The following UGT2A2 variants were observed in gnomAD, a reference collection of about 807,000 sequenced individuals.
UGT2A2 encodes UDP glucuronosyltransferase family 2 member A2.
UGT2A2 carries 60 observed loss-of-function variants against 50.7 expected under a neutral mutation model. The observed-to-expected ratio is 1.18, with a 90% confidence interval of 0.96 to 1.47. The LOEUF is 1.47. Ranked by LOEUF, UGT2A2 falls within the 40% of genes most tolerant of loss-of-function variation. UGT2A2 has a pLI of 0.00. For synonymous variants in UGT2A2, 242 were observed against 214.6 expected (o/e 1.13, Z -1.11); for missense variants, 762 against 634.0 (o/e 1.20, Z -2.17).
chr4:69,609,676 C>A (rs534140676), intron 1 of UGT2A2, among the ~76,000 whole-genome samples: 6 of 138,602 alleles, frequency 4.3e-5, no homozygotes, highest in Non-Finnish European at 9.5e-5. Flanking sequence ...ATTTCTATAC[C>A]TATACCCACA....
At position 69,602,463 on chromosome 4, in the gene UGT2A2, TTATCTATCTATCTATC is replaced by T. The variant is rs71206000; in HGVS notation, c.743-3085_743-3070del. Reference sequence around the variant, plus strand: ...TTTAGAATAACAAAGATTTAGGAGTTTATCTATCTATCTATCTATCTATCTATCTATCTATCTATCT... The same window carrying T: ...TTTAGAATAACAAAGATTTAGGAGTTTATCTATCTATCTATCTATCTATCT... On this transcript the variant is annotated intron_variant, in intron 1 of 5. Transcript: ENST00000604629. 2.2e-4 allele frequency among the ~76,000 whole-genome samples: 22 copies of T among 100,830 alleles called. 3 individuals are homozygous for T. The highest frequency in any genetic ancestry group is 5.5e-4 in the Admixed American group (6 of 10,818). The allele number at this position is 100,830 out of a possible 152,430, so 66.1% of individuals were successfully genotyped here.
chr4:69,620,445 G>T (rs764011720), intron 1 of UGT2A2, among the ~76,000 whole-genome samples: 1 of 151,828 alleles, frequency 6.6e-6, no homozygotes, highest in Non-Finnish European at 1.5e-5. Context: ...TCTCTACAAT[G>T]AAAATTACAA....
chr4:69,606,803 G>T (rs539718551), intron 1 of UGT2A2, among the ~76,000 whole-genome samples: 1 of 136,466 alleles, frequency 7.3e-6, no homozygotes, highest in African/African-American at 3.0e-5. Flanking sequence ...GCCAAATCAC[G>T]AGTGAGCTCC....
rs145797540 is a variant in UGT2A2, at chr4:69,638,665, C to T, written c.742+234G>A. ...GATTTATACATTGAAAAGCTATTAC[C>T]TAAATGGACACAAAGTTGTTTGCAT... is the stretch of plus-strand genomic sequence containing the variant. On this transcript the variant is annotated intron_variant, in intron 1 of 5. Transcript: ENST00000604629. 3.8e-3 allele frequency among the ~76,000 whole-genome samples: 578 copies of T among 152,162 alleles called. 5 individuals carry two copies. Among genetic ancestry groups the T allele is most frequent in the African/African-American group, 0.013 (545 of 41,532 alleles).
chr4:69,595,519 C>T (rs749148253), intron 3 of UGT2A2, among the ~76,000 whole-genome samples: 5 of 151,962 alleles, frequency 3.3e-5, no homozygotes, highest in African/African-American at 7.3e-5. Context: ...AGAAATAGAA[C>T]GTAAACAGTA....
intron 5 of UGT2A2, 125 bp from the exon 6 acceptor site, chr4:69,589,776 T>G (rs1718485483): frequency 2.2e-6 from 3 of 1,347,850 alleles, no homozygotes; most frequent in Non-Finnish European, 2.0e-6. Context: ...AATATAATTC[T>G]TGCATGAACT....
chr4:69,599,599 G>T, intron 1 of UGT2A2: 1 of 562,174 alleles, frequency 1.8e-6, no homozygotes. Context: ...AAAGAAGGAA[G>T]GAAGGGAGGA....
At chr4:69,614,506 A>G (rs1424207612) in intron 1 of UGT2A2, among the ~76,000 whole-genome samples, 1 of 152,034 alleles carries the variant, frequency 6.6e-6, no homozygotes, top group Non-Finnish European at 1.5e-5. Context: ...AAAGACCAGA[A>G]TAGCCAAAGC....
At chr4:69,629,409 ATACAGTGC>A in intron 1 of UGT2A2, among the ~76,000 whole-genome samples, 1 of 152,244 alleles carries the variant, frequency 6.6e-6, no homozygotes, top group East Asian at 1.9e-4. Context: ...ATCTTTTGGA[ATACAGTGC>A]CTAATAAGAG....
chr4:69,630,592 G>A (rs892716781), intron 1 of UGT2A2, among the ~76,000 whole-genome samples: 9 of 151,972 alleles, frequency 5.9e-5, no homozygotes, highest in African/African-American at 2.2e-4. Flanking sequence ...CATAAACAGG[G>A]AATTATAAAA....
chr4:69,608,121 G>C (rs555575843), intron 1 of UGT2A2, among the ~76,000 whole-genome samples: 1 of 152,194 alleles, frequency 6.6e-6, no homozygotes, highest in African/African-American at 2.4e-5. Flanking sequence ...CCATGCACAC[G>C]TATGTTTATT....
chr4:69,601,682 C>T (rs1719303939), intron 1 of UGT2A2, among the ~76,000 whole-genome samples: 1 of 152,000 alleles, frequency 6.6e-6, no homozygotes. Flanking sequence ...GGCCAATAAC[C>T]AAGGAATCTC....
chr4:69,619,622 A>G (rs1275641810), intron 1 of UGT2A2, among the ~76,000 whole-genome samples: 1 of 151,970 alleles, frequency 6.6e-6, no homozygotes, highest in East Asian at 1.9e-4. Flanking sequence ...AAACTTAAAC[A>G]CATTCTAAAA....
intron 1 of UGT2A2, among the ~76,000 whole-genome samples, chr4:69,622,823 C>T (rs113610700): frequency 4.0e-5 from 6 of 151,798 alleles, no homozygotes; most frequent in East Asian, 1.9e-4. Flanking sequence ...ATTCATCCAG[C>T]GGTCCACATC....
intron 1 of UGT2A2, among the ~76,000 whole-genome samples, chr4:69,619,265 G>A (rs1170133851): frequency 6.6e-6 from 1 of 151,724 alleles, no homozygotes; most frequent in African/African-American, 2.4e-5. Context: ...GCCAAGTGTG[G>A]TGGTGCATGC....
chr4:69,612,176 G>T (rs184728523), intron 1 of UGT2A2, among the ~76,000 whole-genome samples: 193 of 151,660 alleles, frequency 1.3e-3, no homozygotes, highest in South Asian at 4.6e-3. Flanking sequence ...ATGAAAATCA[G>T]CAAAAGTAAC....
At chr4:69,602,954 G>A (rs1245193262) in intron 1 of UGT2A2, among the ~76,000 whole-genome samples, 1 of 135,404 alleles carries the variant, frequency 7.4e-6, no homozygotes, top group Non-Finnish European at 1.6e-5. Flanking sequence ...TGTAATCCCA[G>A]ATACTCTAGA....
chr4:69,603,786 C>A (rs1160287894), intron 1 of UGT2A2, among the ~76,000 whole-genome samples: 1 of 136,526 alleles, frequency 7.3e-6, no homozygotes, highest in African/African-American at 3.0e-5. Flanking sequence ...GCCTCAGTAG[C>A]CGATTCAATC....
chr4:69,618,895 C>G (rs1023227441), intron 1 of UGT2A2, among the ~76,000 whole-genome samples: 24 of 151,818 alleles, frequency 1.6e-4, no homozygotes, highest in African/African-American at 5.8e-4. Context: ...TTCTACTCAA[C>G]ATTGAAAGGT....
Sources: allele counts gnomAD v4.1 joint callset (sites outside exome capture counted in the v4.1 genomes callset), GRCh38; gene constraint gnomAD v4.1.1; transcripts MANE v1.5; gene names NCBI Gene and HGNC (gene_info 2026-07-23, HGNC 2026-07-21).